SGCZ: variants seen among roughly 807,000 people sequenced by gnomAD.
SGCZ encodes the protein zeta-sarcoglycan.
SGCZ carries 40 observed loss-of-function variants against 41.3 expected under a neutral mutation model. The observed-to-expected ratio is 0.97, with a 90% CI of 0.75 to 1.26. SGCZ has a LOEUF of 1.26. SGCZ is among the 50% of genes most tolerant of loss of function. The pLI is 0.00. For synonymous variants in SGCZ, 206 were observed against 137.5 expected (o/e 1.50, Z -3.49); for missense variants, 552 against 369.8 (o/e 1.49, Z -4.04).
rs10109396 is a variant in SGCZ, at chr8:14,321,860, A to C, written c.336+2243T>G. Among the ~76,000 whole-genome samples, 831 of 151,810 alleles carry C rather than the reference A, an allele frequency of 5.5e-3. 4 individuals are homozygous for C. The highest frequency in any genetic ancestry group is 7.6e-3 in the Non-Finnish European group (514 of 67,870). ...AATTAAAAACATCATTTCTGCTTTC[A>C]TTATTGAAATGTTTGTGTTCTTCCT... On this transcript the variant is annotated intron_variant, in intron 3 of 7. Coordinates refer to ENST00000382080, the MANE Select transcript of SGCZ (RefSeq NM_139167.4).
intron 5 of SGCZ, among the ~76,000 whole-genome samples, chr8:14,148,303 G>T (rs894237752): frequency 3.3e-5 from 5 of 151,608 alleles, no homozygotes; most frequent in African/African-American, 1.2e-4. Flanking sequence ...CAAACCTTTA[G>T]CCAAACTAAG....
At chr8:14,196,537 A>G (rs1234656160) in intron 4 of SGCZ, among the ~76,000 whole-genome samples, 1 of 152,208 alleles carries the variant, frequency 6.6e-6, no homozygotes. Flanking sequence ...ACTGCTAGCT[A>G]TCAATGCAAG....
intron 1 of SGCZ, among the ~76,000 whole-genome samples, chr8:15,030,159 T>G (rs1803606957): frequency 6.6e-6 from 1 of 152,064 alleles, no homozygotes; most frequent in African/African-American, 2.4e-5. Flanking sequence ...AGCACAGGAA[T>G]TGGAAGGATC....
At chr8:14,441,683 G>A (rs973551977) in intron 2 of SGCZ, among the ~76,000 whole-genome samples, 5 of 152,138 alleles carry the variant, frequency 3.3e-5, no homozygotes, top group African/African-American at 7.2e-5. Context: ...GGCTTTGTAC[G>A]CATCTCACCA....
rs79729581 is a variant in SGCZ, at chr8:14,293,002, G to A, written c.336+31101C>T. Among the ~76,000 whole-genome samples, 1,055 of 152,002 alleles carry A rather than the reference G, an allele frequency of 6.9e-3. 8 individuals carry two copies. The highest frequency in any genetic ancestry group is 0.011 in the Admixed American group (173 of 15,236). Reference sequence around the variant, plus strand: ...TCTTATTTAGGTTTCAGGATATGGAGAACAGAATGGTTTCATTCACATCTC... The same window carrying A: ...TCTTATTTAGGTTTCAGGATATGGAAAACAGAATGGTTTCATTCACATCTC... On this transcript the variant is annotated intron_variant, in intron 3 of 7. Transcript: ENST00000382080.
At chr8:14,377,257 C>T (rs1804165899) in intron 2 of SGCZ, among the ~76,000 whole-genome samples, 1 of 152,110 alleles carries the variant, frequency 6.6e-6, no homozygotes, top group Admixed American at 6.5e-5. Flanking sequence ...AAAAACCCTA[C>T]ACAGTGGGGT....
chr8:14,691,050 C>T (rs995922574), intron 1 of SGCZ, among the ~76,000 whole-genome samples: 27 of 152,110 alleles, frequency 1.8e-4, no homozygotes, highest in African/African-American at 6.5e-4. Context: ...GTTAATAAGT[C>T]CTACTATATG....
chr8:14,874,748 G>T (rs17120448), intron 1 of SGCZ, among the ~76,000 whole-genome samples: 1 of 152,062 alleles, frequency 6.6e-6, no homozygotes, highest in Non-Finnish European at 1.5e-5. Context: ...GAATCAGGTT[G>T]CTCTAAAAGG....
chr8:14,852,563 G>C (rs1308747639), intron 1 of SGCZ, among the ~76,000 whole-genome samples: 1 of 152,084 alleles, frequency 6.6e-6, no homozygotes, highest in African/African-American at 2.4e-5. Context: ...ACCAACAATT[G>C]CCTGAAAATA....
intron 4 of SGCZ, among the ~76,000 whole-genome samples, chr8:14,174,695 G>T (rs117815220): frequency 6.6e-6 from 1 of 151,986 alleles, no homozygotes; most frequent in African/African-American, 2.4e-5. Flanking sequence ...AATATGAAAC[G>T]GAAATAAAAT....
At chr8:14,200,517 G>T (rs1805419148) in intron 4 of SGCZ, among the ~76,000 whole-genome samples, 1 of 152,054 alleles carries the variant, frequency 6.6e-6, no homozygotes, top group Non-Finnish European at 1.5e-5. Flanking sequence ...CGACCAATAG[G>T]ATAAGGTAGA....
chr8:14,935,907 CAA>C (rs976360653), intron 1 of SGCZ, among the ~76,000 whole-genome samples: 6 of 151,686 alleles, frequency 4.0e-5, no homozygotes, highest in African/African-American at 1.4e-4. Context: ...AAATAATAAA[CAA>C]AGAGAGCTGA....
intron 3 of SGCZ, among the ~76,000 whole-genome samples, chr8:14,313,752 T>C (rs571417067): frequency 6.6e-6 from 1 of 152,338 alleles, no homozygotes; most frequent in African/African-American, 2.4e-5. Flanking sequence ...ATTTCCCTGT[T>C]ACAGATTCTC....
intron 3 of SGCZ, among the ~76,000 whole-genome samples, chr8:14,281,952 C>T (rs73664089): frequency 9.9e-5 from 15 of 152,010 alleles, no homozygotes; most frequent in Admixed American, 2.0e-4. Context: ...TGCATTTAAA[C>T]GAACAACATC....
At chr8:14,645,880 T>C (rs1226352247) in intron 1 of SGCZ, among the ~76,000 whole-genome samples, 2 of 151,820 alleles carry the variant, frequency 1.3e-5, no homozygotes, top group Non-Finnish European at 2.9e-5. Flanking sequence ...TAAACTAAAT[T>C]GAAGTGTTCC....
intron 1 of SGCZ, among the ~76,000 whole-genome samples, chr8:15,048,851 G>C (rs943356356): frequency 6.6e-6 from 1 of 152,010 alleles, no homozygotes; most frequent in Non-Finnish European, 1.5e-5. Context: ...AACTCCCACT[G>C]AATGGACAAG....
intron 1 of SGCZ, among the ~76,000 whole-genome samples, chr8:14,934,388 G>A (rs945532393): frequency 2.0e-5 from 3 of 151,828 alleles, no homozygotes; most frequent in African/African-American, 7.3e-5. Context: ...AGGAAAGGGA[G>A]ATCATAAAAT....
chr8:14,595,817 G>C (rs1367833831), intron 1 of SGCZ, among the ~76,000 whole-genome samples: 1 of 152,102 alleles, frequency 6.6e-6, no homozygotes, highest in East Asian at 1.9e-4. Flanking sequence ...TAATTGTTCT[G>C]ACAATTGTCG....
At position 15,026,767 on chromosome 8, in the gene SGCZ, T is replaced by C. The variant is rs140658849; in HGVS notation, c.39+210818A>G. Among the ~76,000 whole-genome samples the C allele has an allele frequency of 1.1e-3, 164 of 152,292 alleles. 1 individual carries two copies. Among genetic ancestry groups the C allele is most frequent in the African/African-American group, 3.8e-3 (159 of 41,574 alleles). On this transcript the variant is annotated intron_variant, in intron 1 of 7. Transcript: ENST00000382080. ...ATAAAGGCATTGCAGAATTTCTCCA[T>C]TATACTTAATTATATATTGTGAGAA...
Sources: gnomAD v4.1 joint callset for allele counts (sites outside exome capture counted in the v4.1 genomes callset) on GRCh38, gnomAD v4.1.1 for gene constraint, MANE v1.5 for transcripts, NCBI Gene and HGNC (gene_info 2026-07-23, HGNC 2026-07-21) for gene names.